EGFR: variants seen among roughly 807,000 people sequenced by gnomAD.
EGFR encodes the protein avian erythroblastic leukemia viral (v-erb-b) oncogene homolog.
In EGFR, 58 loss-of-function variants were observed where a neutral mutation model predicts 143.0. The ratio of observed to expected loss-of-function variants is 0.41; its 90% CI spans 0.33 to 0.50. EGFR has a LOEUF of 0.50. Among genes scored for constraint, EGFR ranks in the 20% least tolerant of loss-of-function variants. The probability of loss-of-function intolerance (pLI) is 0.39; values close to 1 mark genes in which losing one functional copy is unlikely to be tolerated. For synonymous variants in EGFR, 613 were observed against 594.4 expected (o/e 1.03, Z -0.45); for missense variants, 1,307 against 1,579.0 (o/e 0.83, Z 2.92).
At chr7:55,169,591 G>A (rs1786244477) in intron 15 of EGFR, among the ~76,000 whole-genome samples, 4 of 152,008 alleles carry the variant, frequency 2.6e-5, no homozygotes. Flanking sequence ...TCAAGTGGGA[G>A]CCAGAGAATA....
intron 19 of EGFR, among the ~76,000 whole-genome samples, chr7:55,176,301 A>C (rs1786586459): frequency 6.6e-6 from 1 of 152,244 alleles, no homozygotes; most frequent in Non-Finnish European, 1.5e-5. Context: ...TTTGGGAAGG[A>C]AGCAGTGTTC....
chr7:55,200,734 C>A, intron 24 of EGFR: 1 of 501,702 alleles, frequency 2.0e-6, no homozygotes, highest in South Asian at 2.1e-5. Flanking sequence ...GTCAGGCAGA[C>A]GTGGCTTCAC....
At chr7:55,146,538 A>G (rs983095860) in intron 3 of EGFR, 68 bp from the exon 4 acceptor site, 10 of 1,607,124 alleles carry the variant, frequency 6.2e-6, no homozygotes, top group Non-Finnish European at 8.5e-6. Flanking sequence ...TGCGAAGAGC[A>G]CATGCATCCT....
chr7:55,120,466 G>A (rs1793133945), intron 1 of EGFR, among the ~76,000 whole-genome samples: 1 of 152,220 alleles, frequency 6.6e-6, no homozygotes, highest in South Asian at 2.1e-4. Flanking sequence ...AGAAAGCAAT[G>A]TATTACAACC....
chr7:55,033,707 G>A (rs185394060), intron 1 of EGFR, among the ~76,000 whole-genome samples: 46 of 152,302 alleles, frequency 3.0e-4, no homozygotes, highest in Non-Finnish European at 6.3e-4. Flanking sequence ...AAGTCGCCAA[G>A]AGCCAGACAG....
rs184292880 is a variant in EGFR, at chr7:55,168,803, T to A, written c.1881-2372T>A. Among the ~76,000 whole-genome samples, 1,176 of 152,358 alleles carry A rather than the reference T, an allele frequency of 7.7e-3. 8 individuals are homozygous for A. Among genetic ancestry groups the A allele is most frequent in the Non-Finnish European group, 0.014 (935 of 68,040 alleles). ...ACACGATAGAAATGGGTTTAATTTT[T>A]AAAATACGGCCAAGTGTTGATGAGA... On this transcript the variant is annotated intron_variant, in intron 15 of 27. Transcript: ENST00000275493.
chr7:55,201,159 T>C lies in EGFR; in HGVS notation c.2947-29T>C, dbSNP rs755030083. The C allele has an allele frequency of 3.1e-6, 5 of 1,614,016 alleles. No homozygotes were observed. In the South Asian group the frequency reaches 4.4e-5, roughly 14 times the overall value. On this transcript the variant is annotated intron_variant, in intron 24 of 27. Coordinates refer to ENST00000275493, the MANE Select transcript of EGFR (RefSeq NM_005228.5). Reference sequence around the variant, plus strand: ...AGTGGAATAGCATCTCTACGGGCCATTCTAATAGCCTCAAAATCTCTGCAC... The same window carrying C: ...AGTGGAATAGCATCTCTACGGGCCACTCTAATAGCCTCAAAATCTCTGCAC...
At chr7:55,102,785 A>G (rs1791904753) in intron 1 of EGFR, among the ~76,000 whole-genome samples, 1 of 152,212 alleles carries the variant, frequency 6.6e-6, no homozygotes, top group Admixed American at 6.5e-5. Context: ...AAATTTTTTT[A>G]AAACTCCTGA....
Position 55,147,691 on chromosome 7 carries a change from G to T in EGFR, c.559+951G>T, listed in dbSNP as rs2006704. Among the ~76,000 whole-genome samples the T allele has an allele frequency of 3.4e-3, 511 of 152,254 alleles. 1 individual carries two copies. Among genetic ancestry groups the T allele is most frequent in the African/African-American group, 9.1e-3 (378 of 41,540 alleles). ...TGTCAGTGGCATTATACATCCACAT[G>T]GGTGTGTGGCCATCACCACCGTCCA... On this transcript the variant is annotated intron_variant, in intron 4 of 27. Transcript: ENST00000275493.
At chr7:55,108,368 G>C (rs1460481091) in intron 1 of EGFR, among the ~76,000 whole-genome samples, 3 of 152,228 alleles carry the variant, frequency 2.0e-5, no homozygotes, top group African/African-American at 7.2e-5. Context: ...AGAGGGGTCC[G>C]AGAGTGACTG....
At chr7:55,082,897 G>A (rs1426835917) in intron 1 of EGFR, among the ~76,000 whole-genome samples, 2 of 152,184 alleles carry the variant, frequency 1.3e-5, no homozygotes, top group African/African-American at 2.4e-5. Context: ...CCCAGCCTCT[G>A]GTGTTCCCAG....
intron 1 of EGFR, among the ~76,000 whole-genome samples, chr7:55,089,939 CTTATTTATTTATTTATTTATTTAT>C (rs201718066): frequency 4.1e-5 from 6 of 145,100 alleles, no homozygotes; most frequent in South Asian, 2.3e-4. Context: ...GGTGATGCTA[CTTATTTATTTATTTATTTATTTAT>C]TTATTTATTT....
chr7:55,041,307 A>T (rs1041566066), intron 1 of EGFR, among the ~76,000 whole-genome samples: 1 of 152,174 alleles, frequency 6.6e-6, no homozygotes, highest in East Asian at 1.9e-4. Context: ...GCTATTCGGG[A>T]GGCGGAGGCA....
At chr7:55,200,873 C>G (rs949732146) in intron 24 of EGFR, 1 of 493,174 alleles carries the variant, frequency 2.0e-6, no homozygotes, top group Non-Finnish European at 3.7e-6. Flanking sequence ...TTGCAAAATA[C>G]GCTCCCTAAC....
chr7:55,113,455 C>T (rs929109498), intron 1 of EGFR, among the ~76,000 whole-genome samples: 21 of 152,184 alleles, frequency 1.4e-4, no homozygotes, highest in African/African-American at 4.6e-4. Context: ...ATTCCCCTCT[C>T]CCATGTGTTT....
At chr7:55,129,669 C>T (rs1793725345) in intron 1 of EGFR, among the ~76,000 whole-genome samples, 1 of 152,212 alleles carries the variant, frequency 6.6e-6, no homozygotes, top group African/African-American at 2.4e-5. Flanking sequence ...ACACAAATAA[C>T]AATCCCCAGC....
rs550400235 is a variant in EGFR, at chr7:55,110,913, T to G, written c.89-31373T>G. ...ATTTTCCATTGACACTATGCAGAAATGAAGGGGATTCAAGTGCCTTCAGAA... is the reference window on the plus strand; with the variant it reads ...ATTTTCCATTGACACTATGCAGAAAGGAAGGGGATTCAAGTGCCTTCAGAA... On this transcript the variant is annotated intron_variant, in intron 1 of 27. Transcript: ENST00000275493. Among the ~76,000 whole-genome samples, 6 of 152,272 alleles carry G rather than the reference T, an allele frequency of 3.9e-5. No individual in the cohort carries two copies. In the East Asian group the frequency reaches 1.2e-3, roughly 29 times the overall value.
chr7:55,181,501 G>A (rs1366092290), intron 20 of EGFR, 23 bp downstream of exon 20: 1 of 1,614,084 alleles, frequency 6.2e-7, no homozygotes. Context: ...GGGAGATACG[G>A]GGAGGGGAGA....
At position 55,135,439 on chromosome 7, in the gene EGFR, T is replaced by A. The variant is rs117419688; in HGVS notation, c.89-6847T>A. 3.9e-4 allele frequency among the ~76,000 whole-genome samples: 60 copies of A among 152,148 alleles called. No homozygotes were observed. In the East Asian group the frequency reaches 0.011, roughly 29 times the overall value. ...GTGTATTTTCAAGTTCCAATATAGA[T>A]TCACATTCAGTTTGACAGGTATCTT... is the stretch of plus-strand genomic sequence containing the variant. On this transcript the variant is annotated intron_variant, in intron 1 of 27. Coordinates refer to ENST00000275493, the MANE Select transcript of EGFR (RefSeq NM_005228.5).
Sources: allele counts gnomAD v4.1 joint callset (sites outside exome capture counted in the v4.1 genomes callset), GRCh38; gene constraint gnomAD v4.1.1; transcripts MANE v1.5; gene names NCBI Gene and HGNC (gene_info 2026-07-23, HGNC 2026-07-21).